Variants in TMEM184A observed in about 807,000 individuals in gnomAD.
TMEM184A encodes transmembrane protein 184A.
In TMEM184A, 40 loss-of-function variants were observed where a neutral mutation model predicts 39.5. That is an observed-to-expected ratio of 1.01 (90% confidence interval 0.79 to 1.32). The LOEUF is 1.32. TMEM184A is among the 40% of genes most tolerant of loss of function. The pLI, the probability that TMEM184A is intolerant of heterozygous loss-of-function variation, is 0.00. For missense variants in TMEM184A, 603 were observed against 568.8 expected (o/e 1.06, Z -0.61); for synonymous variants, 280 against 252.3 (o/e 1.11, Z -1.04).
intron 2 of TMEM184A, among the ~76,000 whole-genome samples, chr7:1,554,526 C>T (rs1435067841): frequency 5.3e-5 from 8 of 152,196 alleles, no homozygotes. Flanking sequence ...CCCACCCCAC[C>T]CCTGCGCACA....
intron 3 of TMEM184A, 65 bp from the exon 4 acceptor site, chr7:1,550,460 A>C: frequency 7.2e-7 from 1 of 1,384,046 alleles, no homozygotes; most frequent in Non-Finnish European, 1.0e-6. Flanking sequence ...CATGGCGCCC[A>C]TCTCACCAGG....
chr7:1,550,139 A>G lies in TMEM184A; in HGVS notation c.536T>C (p.Leu179Pro), dbSNP rs1420170772. 1.2e-6 allele frequency: 2 copies of G among 1,606,282 alleles called. No homozygotes were observed. Among genetic ancestry groups the G allele is most frequent in the Non-Finnish European group, 1.7e-6 (2 of 1,177,210 alleles). The change falls in exon 5 of 9, where the codon CTG becomes CCG. Residue 179 changes from leucine (L) to proline (P), a missense_variant. Physicochemically the swap from Leu to Pro is moderately conservative, Grantham distance 98. Transcript: ENST00000297477. ...GCCCCTCACCTGCTTACAGAAGCGC[A>G]GGAACCCGATGGAGTAGGTCATGCC... ...LRGMTYSIGFLRFCKQATLQF... is the reference protein window; with the variant it reads ...LRGMTYSIGFPRFCKQATLQF...
chr7:1,549,358 AG>A, intron 6 of TMEM184A: 1 of 395,428 alleles, frequency 2.5e-6, no homozygotes, highest in Non-Finnish European at 5.1e-6. Context: ...GGACCTTCGC[AG>A]GGGTCCTCCT....
At chr7:1,549,736 G>A in intron 6 of TMEM184A, 118 bp downstream of exon 6, 2 of 924,926 alleles carry the variant, frequency 2.2e-6, no homozygotes, top group Non-Finnish European at 3.3e-6. Flanking sequence ...TGCCCCCGCA[G>A]CTCCCACCTT....
rs1207625370 is a variant in TMEM184A at position 1,546,185 on chromosome 7, T to C, written c.*767A>G. 1 of 152,700 alleles carries C rather than the reference T, an allele frequency of 6.5e-6. No homozygotes were observed. Among genetic ancestry groups the C allele is most frequent in the Non-Finnish European group, 1.5e-5 (1 of 68,104 alleles). The allele number at this position is 152,700 out of a possible 1,614,324, so 9.5% of individuals were successfully genotyped here. On this transcript the variant is annotated 3_prime_UTR_variant, in exon 9 of 9. Transcript: ENST00000297477. ...TCCTGTGACCCCCACCGCGTCCTGC[T>C]CCTCAGGCTCATGCCCTGCGGGAAC... is the stretch of plus-strand genomic sequence containing the variant.
Position 1,547,931 on chromosome 7 carries a change from G to A in TMEM184A, c.823C>T (p.Leu275=), listed in dbSNP as rs1015433647. Residue 275 remains leucine, a synonymous_variant, in exon 8 of 9, where the codon CTG becomes TTG. Transcript: ENST00000297477. Reference sequence around the variant, plus strand: ...ACCCCGCACCGCTCCAGGATGGCCAGCAGCAGCCCTGCGGACGCCACGGCC... The same window carrying A: ...ACCCCGCACCGCTCCAGGATGGCCAACAGCAGCCCTGCGGACGCCACGGCC... ...IFLSFWQGLL[L]AILERCGVIP... 1 of 1,572,502 alleles carries A rather than the reference G, an allele frequency of 6.4e-7. No individual in the cohort carries two copies. The highest frequency in any genetic ancestry group is 8.6e-7 in the Non-Finnish European group (1 of 1,160,218).
intron 8 of TMEM184A, 64 bp from the exon 9 acceptor site, chr7:1,547,245 C>T: frequency 1.0e-6 from 1 of 960,710 alleles, no homozygotes; most frequent in Non-Finnish European, 1.6e-6. Flanking sequence ...GGACAAGTCC[C>T]CTCCCAGGAT....
At chr7:1,551,101 C>G (rs1784574389) in intron 2 of TMEM184A, 119 bp from the exon 3 acceptor site, 1 of 1,200,256 alleles carries the variant, frequency 8.3e-7, no homozygotes, top group Non-Finnish European at 1.1e-6. Flanking sequence ...GCCAGGTCCA[C>G]CCGGTACCCC....
At position 1,546,875 on chromosome 7, in the gene TMEM184A, G is replaced by T; in HGVS notation, c.*77C>A. On this transcript the variant is annotated 3_prime_UTR_variant, in exon 9 of 9. Coordinates refer to ENST00000297477, the MANE Select transcript of TMEM184A (RefSeq NM_001097620.2). ...AGAGGCCCCACCTTTGGCAGGAGTT[G>T]GTGGGTGGGGGGACCCTGTTCTTCC... is the stretch of plus-strand genomic sequence containing the variant. 2.0e-6 allele frequency: 2 copies of T among 1,011,398 alleles called. No homozygotes were observed. The highest frequency in any genetic ancestry group is 2.8e-6 in the Non-Finnish European group (2 of 715,558). 62.7% of individuals were successfully genotyped at this position (1,011,398 alleles called of 1,614,324 possible).
In TMEM184A at chr7:1,555,494, G is replaced by A. The variant is rs1401361392; in HGVS notation, c.1-10C>T. 1 of 1,598,776 alleles carries A rather than the reference G, an allele frequency of 6.3e-7. No individual in the cohort carries two copies. The highest frequency in any genetic ancestry group is 8.5e-7 in the Non-Finnish European group (1 of 1,177,166). On this transcript the variant is annotated splice_polypyrimidine_tract_variant and intron_variant, in intron 1 of 8. Transcript: ENST00000297477. This position sits in a 1 kb window ranked among gnomAD's most constrained non-coding sequence, Gnocchi z 5.2. ...CTGAGACATTACTCATCTGCAGAGG[G>A]AGGGAGGACACACACCGGGAGGAGT... is the stretch of plus-strand genomic sequence containing the variant.
At chr7:1,549,271 T>G (rs764119885) in intron 6 of TMEM184A, 11 of 247,272 alleles carry the variant, frequency 4.4e-5, no homozygotes, top group South Asian at 2.6e-4. Context: ...ACAGCACATG[T>G]GTCCCCGTGT....
intron 3 of TMEM184A, 130 bp from the exon 4 acceptor site, chr7:1,550,525 C>T: frequency 1.3e-6 from 1 of 791,560 alleles, no homozygotes; most frequent in South Asian, 1.8e-5. Context: ...CAAGAGGCTC[C>T]TGATGGACCC....
chr7:1,548,258 G>A (rs1784426488), intron 7 of TMEM184A, among the ~76,000 whole-genome samples: 1 of 117,316 alleles, frequency 8.5e-6, no homozygotes, highest in Non-Finnish European at 1.7e-5. Flanking sequence ...CCCAGTGGGG[G>A]CCAGGATTCA....
chr7:1,551,877 C>T (rs1042769202), intron 2 of TMEM184A, among the ~76,000 whole-genome samples: 6 of 151,732 alleles, frequency 4.0e-5, no homozygotes, highest in African/African-American at 1.2e-4. Context: ...GTGGAGGTTG[C>T]GGTGAACCAA....
rs549404246 is a variant in TMEM184A at position 1,553,540 on chromosome 7, G to T, written c.219+1726C>A. Reference sequence around the variant, plus strand: ...GAGCCTGGGAGCTGGGCGCACAGGGGCTCCTGGGGAAGGCCTTCTGGAGGA... The same window carrying T: ...GAGCCTGGGAGCTGGGCGCACAGGGTCTCCTGGGGAAGGCCTTCTGGAGGA... On this transcript the variant is annotated intron_variant, in intron 2 of 8. Transcript: ENST00000297477. 8.5e-5 allele frequency among the ~76,000 whole-genome samples: 13 copies of T among 152,324 alleles called. No homozygotes were observed. In the East Asian group the frequency reaches 2.5e-3, roughly 29 times the overall value.
At position 1,555,744 on chromosome 7, in the gene TMEM184A, A is replaced by G. The variant is rs976614467; in HGVS notation, c.1-260T>C. Among the ~76,000 whole-genome samples, 4 of 152,130 alleles carry G rather than the reference A, an allele frequency of 2.6e-5. No individual in the cohort carries two copies. Among genetic ancestry groups the G allele is most frequent in the African/African-American group, 9.6e-5 (4 of 41,520 alleles). Reference sequence around the variant, plus strand: ...TTCCCCCTTGTAAAACCAGCTTCCAACTCCGAGTCTCAGGCTTGCAGGGAG... The same window carrying G: ...TTCCCCCTTGTAAAACCAGCTTCCAGCTCCGAGTCTCAGGCTTGCAGGGAG... On this transcript the variant is annotated intron_variant, in intron 1 of 8. Transcript: ENST00000297477. This position sits in a 1 kb window ranked among gnomAD's most constrained non-coding sequence, Gnocchi z 5.2.
rs1784321965 is a variant in TMEM184A, at chr7:1,545,706, C to A, written c.*1246G>T. ...CTGGGGGGCGCCCTGCAGTGACACC[C>A]CTCGCCCTGGGCCAGCCGTGTGTCC... On this transcript the variant is annotated 3_prime_UTR_variant, in exon 9 of 9. Transcript: ENST00000297477. The A allele has an allele frequency of 2.6e-5, 4 of 152,444 alleles. No individual in the cohort carries two copies. The South Asian group carries it at 8.3e-4, about 31-fold the overall frequency. The allele number at this position is 152,444 out of a possible 1,614,324, so 9.4% of individuals were successfully genotyped here. A position where few individuals can be genotyped will look rare whatever the true frequency, so the allele number is the denominator to read the frequency against.
rs757934796 is a variant in TMEM184A at position 1,550,395 on chromosome 7, G to A, written c.386C>T (p.Ala129Val). 2 of 1,610,644 alleles carry A rather than the reference G, an allele frequency of 1.2e-6. No individual in the cohort carries two copies. Among genetic ancestry groups the A allele is most frequent in the South Asian group, 2.2e-5 (2 of 90,770 alleles). ...GCTCAGGAAGCTGTAAATGACAAAG[G>A]CTGCAGGGAGCACAGAGGGGGACCG... The part of the protein sequence containing the change: ...YFDSVRDCYE[A>V]FVIYSFLSLC... The change falls in exon 4 of 9, where the codon GCC (alanine) becomes GTC (valine). Residue 129 changes from alanine (A) to valine (V), a missense_variant and splice_region_variant. By Grantham distance (64) the Ala-to-Val change is moderately conservative. Coordinates refer to ENST00000297477, the MANE Select transcript of TMEM184A (RefSeq NM_001097620.2).
At chr7:1,552,644 C>T (rs143303218) in intron 2 of TMEM184A, among the ~76,000 whole-genome samples, 248 of 152,102 alleles carry the variant, frequency 1.6e-3, no homozygotes, top group African/African-American at 5.6e-3. Flanking sequence ...GTGTCCAACC[C>T]GGGGGACGGA....
Sources: allele counts gnomAD v4.1 joint callset (sites outside exome capture counted in the v4.1 genomes callset), GRCh38; gene constraint gnomAD v4.1.1; non-coding constraint Gnocchi (gnomAD v3.1); transcripts MANE v1.5; gene names NCBI Gene and HGNC (gene_info 2026-07-23, HGNC 2026-07-21).